PTPRD: variants seen among roughly 807,000 people sequenced by gnomAD.
PTPRD encodes the protein receptor-type tyrosine-protein phosphatase delta.
Under a neutral mutation model 214.5 loss-of-function variants are expected in PTPRD, and 34 were observed. The ratio of observed to expected loss-of-function variants is 0.16; its 90% confidence interval spans 0.12 to 0.21. The LOEUF is 0.21. Among genes scored for constraint, PTPRD ranks in the 10% least tolerant of loss-of-function variants. The pLI is 1.00. For missense variants in PTPRD, 2,545 were observed against 2,398.7 expected (o/e 1.06, Z -1.27); for synonymous variants, 1,128 against 845.7 (o/e 1.33, Z -5.79).
Position 8,636,728 on chromosome 9 carries a change from C to T in PTPRD, c.181G>A (p.Gly61Arg). ...PRPKIVWNKKGKKVSNQRFEV... is the reference protein window; with the variant it reads ...PRPKIVWNKKRKKVSNQRFEV... ...AATCTCTGATTGCTGACTTTCTTTC[C>T]TTTTTTGTTCCAGACAATTTTAGGT... The change falls in exon 13 of 46, where the codon GGA (glycine) becomes AGA (arginine). Residue 61 changes from glycine (G) to arginine (R), a missense_variant. Coordinates refer to ENST00000381196, the MANE Select transcript of PTPRD (RefSeq NM_002839.4). 6.2e-7 allele frequency: 1 copy of T among 1,613,950 alleles called. No homozygotes were observed. Among genetic ancestry groups the T allele is most frequent in the Non-Finnish European group, 8.5e-7 (1 of 1,179,902 alleles).
intron 11 of PTPRD, among the ~76,000 whole-genome samples, chr9:8,802,806 C>T (rs1270642428): frequency 2.0e-5 from 3 of 152,078 alleles, no homozygotes; most frequent in Non-Finnish European, 4.4e-5. Flanking sequence ...AATCTCAGTG[C>T]TTTGGGAGGC....
At chr9:9,456,157 T>C (rs1044784672) in intron 8 of PTPRD, among the ~76,000 whole-genome samples, 17 of 151,904 alleles carry the variant, frequency 1.1e-4, no homozygotes, top group Non-Finnish European at 2.5e-4. Context: ...GGAAATTTAA[T>C]TATAACAACT....
At chr9:10,461,022 A>T (rs904968682) in intron 2 of PTPRD, among the ~76,000 whole-genome samples, 1 of 152,174 alleles carries the variant, frequency 6.6e-6, no homozygotes, top group Non-Finnish European at 1.5e-5. Context: ...CAAGATTTAC[A>T]CATAATTCAT....
chr9:8,450,438 A>C (rs986755299), intron 33 of PTPRD, among the ~76,000 whole-genome samples: 5 of 151,154 alleles, frequency 3.3e-5, no homozygotes, highest in Admixed American at 3.3e-4. Context: ...TCAAATGTGA[A>C]GGAAAAAAAA....
rs139171396 is a variant in PTPRD at position 8,486,247 on chromosome 9, C to T, written c.2570G>A (p.Arg857His). ...VDTFGPLQGY[R>H]LKFGRKDMEP... ...CATATCCTTGCGGCCAAATTTTAGA[C>T]GGTAGCCCTGAAGAGGTCCAAATGT... The change falls in exon 28 of 46, where the codon CGT (arginine) becomes CAT (histidine). Residue 857 changes from arginine (R) to histidine (H), a missense_variant. By Grantham distance (29) the Arg-to-His change is conservative (BLOSUM62 0). Coordinates refer to ENST00000381196, the MANE Select transcript of PTPRD (RefSeq NM_002839.4). 650 of 1,614,144 alleles carry T rather than the reference C, an allele frequency of 4.0e-4. 4 individuals are homozygous for T. The highest frequency in any genetic ancestry group is 3.6e-3 in the South Asian group (330 of 91,080).
At chr9:9,739,072 C>G (rs2098353577) in intron 6 of PTPRD, among the ~76,000 whole-genome samples, 1 of 152,282 alleles carries the variant, frequency 6.6e-6, no homozygotes, top group Admixed American at 6.5e-5. Context: ...AATTTACTAT[C>G]CACACTTACA....
chr9:10,283,186 T>C (rs181236137), intron 3 of PTPRD, among the ~76,000 whole-genome samples: 60 of 151,970 alleles, frequency 3.9e-4, no homozygotes, highest in Non-Finnish European at 8.0e-4. Flanking sequence ...TATTTTACAT[T>C]TAAAATTATT....
At chr9:9,029,470 C>CT (rs1159134602) in intron 10 of PTPRD, among the ~76,000 whole-genome samples, 1 of 145,598 alleles carries the variant, frequency 6.9e-6, no homozygotes, top group Non-Finnish European at 1.5e-5. Flanking sequence ...GCAGTGTACA[C>CT]TTTTTTTTGT....
At chr9:9,730,823 G>A (rs991156649) in intron 7 of PTPRD, among the ~76,000 whole-genome samples, 36 of 152,082 alleles carry the variant, frequency 2.4e-4, no homozygotes, top group African/African-American at 8.4e-4. Flanking sequence ...AAGTGAGACT[G>A]GAAGCATGAA....
At chr9:8,876,224 G>GTGTGTTGTTGT (rs1555464148) in intron 11 of PTPRD, among the ~76,000 whole-genome samples, 1 of 150,958 alleles carries the variant, frequency 6.6e-6, no homozygotes, top group Non-Finnish European at 1.5e-5. Flanking sequence ...ATGTGTGTGT[G>GTGTGTTGTTGT]TGTTGTTGTT....
At chr9:10,110,709 AG>A (rs978354844) in intron 3 of PTPRD, among the ~76,000 whole-genome samples, 1 of 152,202 alleles carries the variant, frequency 6.6e-6, no homozygotes, top group African/African-American at 2.4e-5. Context: ...AATCCGTAAA[AG>A]GTTGGCAAAA....
At chr9:9,425,821 G>C (rs979318179) in intron 8 of PTPRD, among the ~76,000 whole-genome samples, 2 of 152,088 alleles carry the variant, frequency 1.3e-5, no homozygotes, top group African/African-American at 4.8e-5. Context: ...ACTAATTTAA[G>C]AAGAGGAGAT....
intron 9 of PTPRD, among the ~76,000 whole-genome samples, chr9:9,367,757 T>A (rs567677036): frequency 6.6e-6 from 1 of 151,846 alleles, no homozygotes; most frequent in African/African-American, 2.4e-5. Context: ...TCACATATTA[T>A]ATGCTAACTC....
rs558104137 is a variant in PTPRD at position 9,034,658 on chromosome 9, A to T, written c.-142-15923T>A. Among the ~76,000 whole-genome samples, 120 of 152,090 alleles carry T rather than the reference A, an allele frequency of 7.9e-4. 1 individual carries two copies. The highest frequency in any genetic ancestry group is 1.5e-3 in the Non-Finnish European group (102 of 68,010). ...TATGTAGTGGCTGCAGTGTAGTCAGACTGTGGAGTCAGATTCACCCGTGTT... is the reference window on the plus strand; with the variant it reads ...TATGTAGTGGCTGCAGTGTAGTCAGTCTGTGGAGTCAGATTCACCCGTGTT... On this transcript the variant is annotated intron_variant, in intron 10 of 45. Coordinates refer to ENST00000381196, the MANE Select transcript of PTPRD (RefSeq NM_002839.4).
chr9:8,415,775 C>G (rs1354148476), intron 35 of PTPRD, among the ~76,000 whole-genome samples: 2 of 152,068 alleles, frequency 1.3e-5, no homozygotes, highest in East Asian at 3.9e-4. Flanking sequence ...CCATGAAAAT[C>G]TGGTCCTCTC....
intron 9 of PTPRD, among the ~76,000 whole-genome samples, chr9:9,295,710 A>G (rs993836229): frequency 6.6e-6 from 1 of 151,808 alleles, no homozygotes; most frequent in African/African-American, 2.4e-5. Context: ...GTAGAAAAAC[A>G]CTAGGTTTAC....
intron 9 of PTPRD, among the ~76,000 whole-genome samples, chr9:9,346,330 G>C (rs1009313085): frequency 6.6e-6 from 1 of 152,054 alleles, no homozygotes; most frequent in African/African-American, 2.4e-5. Context: ...ATATTCATGT[G>C]ACTCACACGT....
intron 5 of PTPRD, among the ~76,000 whole-genome samples, chr9:9,827,322 G>C (rs567521991): frequency 6.6e-6 from 1 of 152,022 alleles, no homozygotes; most frequent in Non-Finnish European, 1.5e-5. Flanking sequence ...TAGACCAATG[G>C]AACAGAACAG....
At chr9:9,832,892 TG>T (rs1271154749) in intron 5 of PTPRD, among the ~76,000 whole-genome samples, 2 of 142,252 alleles carry the variant, frequency 1.4e-5, no homozygotes, top group Non-Finnish European at 3.0e-5. Context: ...TTTTTTTCTA[TG>T]TTTTTTTTTT....
Sources: gnomAD v4.1 joint callset for allele counts (sites outside exome capture counted in the v4.1 genomes callset) on GRCh38, gnomAD v4.1.1 for gene constraint, MANE v1.5 for transcripts, NCBI Gene and HGNC (gene_info 2026-07-23, HGNC 2026-07-21) for gene names.